LILRB2: variants seen among roughly 807,000 people sequenced by gnomAD.
LILRB2 encodes the protein leukocyte immunoglobulin like receptor B2, also known as leukocyte immunoglobulin-like receptor subfamily B member 2.
In LILRB2, 47 loss-of-function variants were observed where a neutral mutation model predicts 72.7. That is an observed-to-expected ratio of 0.65 (90% confidence interval 0.51 to 0.82). The LOEUF is 0.82. Ranked by LOEUF, LILRB2 falls within the 40% of genes least tolerant of loss-of-function variation. LILRB2 has a pLI of 0.00. For synonymous variants in LILRB2, 279 were observed against 313.7 expected, an observed-to-expected ratio of 0.89 and a Z score of 1.17; for missense variants, 767 against 764.8, an observed-to-expected ratio of 1.00 and a Z score of -0.03.
At chr19:54,280,169 G>A in intron 3 of LILRB2, 94 bp from the exon 4 acceptor site, 1 of 1,611,520 alleles carries the variant, frequency 6.2e-7, no homozygotes, top group Non-Finnish European at 8.5e-7. Flanking sequence ...CCATCAGTCA[G>A]TCCAGAACTT....
chr19:54,278,367 C>A lies in LILRB2; in HGVS notation c.1151G>T (p.Ser384Ile), dbSNP rs1363001822. 2.5e-6 allele frequency: 4 copies of A among 1,614,188 alleles called. No homozygotes were observed. In the East Asian group the frequency reaches 8.9e-5, roughly 36 times the overall value. Reference sequence around the variant, plus strand: ...CCCCGCGTGGGCTGAGGTCACAGGACTCATGGGGAATTCAGCCTGGTACTT... The same window carrying A: ...CCCCGCGTGGGCTGAGGTCACAGGAATCATGGGGAATTCAGCCTGGTACTT... ...YPKYQAEFPM[S>I]PVTSAHAGTY... Residue 384 changes from serine (S) to isoleucine (I), a missense_variant, in exon 7 of 14, where the codon AGT becomes ATT. This residue lies in a region of LILRB2 where 599 missense variants were observed against 568.2 expected (regional missense o/e 1.05). Coordinates refer to ENST00000314446, the MANE Select transcript of LILRB2 (RefSeq NM_001080978.4).
At chr19:54,280,353 C>G in intron 2 of LILRB2, 54 bp from the exon 3 acceptor site, 1 of 1,614,140 alleles carries the variant, frequency 6.2e-7, no homozygotes. Context: ...AGCAGGTCCT[C>G]CCCTCCCTGG....
At chr19:54,278,223 C>T (rs536629727) in intron 7 of LILRB2, 37 bp downstream of exon 7, 2 of 1,612,060 alleles carry the variant, frequency 1.2e-6, no homozygotes, top group South Asian at 2.2e-5. Context: ...CTGAGCTGAG[C>T]CTTTGAGCTC....
At chr19:54,280,186 C>T (rs974087529) in intron 3 of LILRB2, 78 bp downstream of exon 3, 7 of 1,612,674 alleles carry the variant, frequency 4.3e-6, no homozygotes, top group African/African-American at 2.7e-5. Context: ...ACTTCTAATC[C>T]CCATCCCCAG....
In LILRB2 at chr19:54,280,050, C is replaced by A; in HGVS notation, c.96G>T (p.Trp32Cys). 2 of 1,614,048 alleles carry A rather than the reference C, an allele frequency of 1.2e-6. No individual in the cohort carries two copies. Among genetic ancestry groups the A allele is most frequent in the Non-Finnish European group, 1.7e-6 (2 of 1,179,956 alleles). ...QTGTIPKPTL[W>C]AEPDSVITQG... ...GGGTGATCACAGAGTCTGGCTCAGC[C>A]CACAGGGTGGGCTTGGGGATGGTCC... The change falls in exon 4 of 14, where the codon TGG (tryptophan) becomes TGT (cysteine). Residue 32 changes from tryptophan (W) to cysteine (C), a missense_variant. Coordinates refer to ENST00000314446, the MANE Select transcript of LILRB2 (RefSeq NM_001080978.4).
chr19:54,276,479 T>G (rs1290171945), intron 10 of LILRB2, 23 bp from the exon 11 acceptor site: 1 of 1,521,264 alleles, frequency 6.6e-7, no homozygotes, highest in African/African-American at 1.4e-5. Flanking sequence ...GGACAGAGCC[T>G]CAGCCCTGGG....
In LILRB2 at chr19:54,274,613, G is replaced by A. The variant is rs2080128659; in HGVS notation, c.*70C>T. 6.2e-7 allele frequency: 1 copy of A among 1,610,072 alleles called. No homozygotes were observed. Among genetic ancestry groups the A allele is most frequent in the Non-Finnish European group, 8.5e-7 (1 of 1,177,352 alleles). ...ACTGGGGTTCATTGGTGTCCACTGG[G>A]GGCAGCTCCCGTGCCTTCAGCAGTC... is the stretch of plus-strand genomic sequence containing the variant. On this transcript the variant is annotated 3_prime_UTR_variant, in exon 14 of 14. Coordinates refer to ENST00000314446, the MANE Select transcript of LILRB2 (RefSeq NM_001080978.4).
At chr19:54,280,902 C>T in intron 1 of LILRB2, 59 bp downstream of exon 1, 2 of 1,126,288 alleles carry the variant, frequency 1.8e-6, no homozygotes, top group Admixed American at 2.0e-5. Context: ...CACAGCTTCC[C>T]ACATGGTCAC....
chr19:54,275,946 C>G lies in LILRB2; in HGVS notation c.1647+5G>C. On this transcript the variant is annotated splice_donor_5th_base_variant and intron_variant, in intron 13 of 13. Transcript: ENST00000314446. ...TTGGTGCCTGGGACAGGGGCGGGGT[C>G]TCACCCGAGTGTCCATCTCCACCCC... 1 of 1,614,058 alleles carries G rather than the reference C, an allele frequency of 6.2e-7. No individual in the cohort carries two copies.
At position 54,280,073 on chromosome 19, in the gene LILRB2, T is replaced by G. The variant is rs745485811; in HGVS notation, c.73A>C (p.Thr25Pro). Residue 25 changes from threonine to proline, a missense_variant and splice_region_variant, in exon 4 of 14, where the codon ACC becomes CCC. Thr to Pro is a conservative substitution (Grantham distance 38). Coordinates refer to ENST00000314446, the MANE Select transcript of LILRB2 (RefSeq NM_001080978.4). ...GCCCACAGGGTGGGCTTGGGGATGG[T>G]CCCTGGAAGGAAATCAAAGGTCAGA... ...LGPRTRVQTG[T>P]IPKPTLWAEP... is the part of the protein sequence containing the mutation. 6.2e-7 allele frequency: 1 copy of G among 1,613,552 alleles called. No homozygotes were observed. Among genetic ancestry groups the G allele is most frequent in the Non-Finnish European group, 8.5e-7 (1 of 1,179,748 alleles).
intron 7 of LILRB2, 152 bp downstream of exon 7, chr19:54,278,108 G>A: frequency 8.3e-7 from 1 of 1,201,112 alleles, no homozygotes; most frequent in Non-Finnish European, 1.2e-6. Flanking sequence ...GCCTGGGAGG[G>A]CCTGTTGTCC....
At position 54,274,694 on chromosome 19, in the gene LILRB2, C is replaced by A; in HGVS notation, c.1783G>T (p.Ala595Ser). The A allele has an allele frequency of 5.0e-6, 8 of 1,613,874 alleles. No individual in the cohort carries two copies. The highest frequency in any genetic ancestry group is 6.8e-6 in the Non-Finnish European group (8 of 1,180,020). The stretch of plus-strand genomic sequence containing the variant: ...GCGTACCCTCCGGGCTAGTGGATGG[C>A]CAGGGTGGCGTAGATGCTGGGCTCA... ...PAEPSIYATL[A>S]IH Residue 595 changes from alanine (A) to serine (S), a missense_variant, in exon 14 of 14, where the codon GCC becomes TCC. Physicochemically the swap from Ala to Ser is moderately conservative, Grantham distance 99. This residue lies in a region of LILRB2 where 162 missense variants were observed against 176.7 expected (regional missense o/e 0.92). Coordinates refer to ENST00000314446, the MANE Select transcript of LILRB2 (RefSeq NM_001080978.4).
Position 54,273,881 on chromosome 19 carries a change from CACACAT to C in LILRB2, c.*796_*801del, listed in dbSNP as rs1188744208. 8.5e-5 allele frequency: 13 copies of C among 152,070 alleles called. No individual in the cohort carries two copies. Among genetic ancestry groups the C allele is most frequent in the South Asian group, 4.1e-4 (2 of 4,830 alleles). The allele number at this position is 152,070 out of a possible 1,614,324, so 9.4% of individuals were successfully genotyped here. A position where few individuals can be genotyped will look rare whatever the true frequency, so the allele number is the denominator to read the frequency against. On this transcript the variant is annotated 3_prime_UTR_variant, in exon 14 of 14. Transcript: ENST00000314446. Reference sequence around the variant, plus strand: ...TCACACACACACACACACACACACACACACATATATATACACACACATACACACACA... The same window carrying C: ...TCACACACACACACACACACACACACATATATACACACACATACACACACA...
At chr19:54,276,118 A>T in intron 12 of LILRB2, 115 bp from the exon 13 acceptor site, 1 of 1,548,030 alleles carries the variant, frequency 6.5e-7, no homozygotes, top group Non-Finnish European at 8.8e-7. Context: ...GAGGGGCTGC[A>T]ATGTCCCTGA....
At position 54,279,462 on chromosome 19, in the gene LILRB2, A is replaced by T. The variant is rs772015457; in HGVS notation, c.541T>A (p.Phe181Ile). ...PHARGSSRAI[F>I]SVGPVSPNRR... The stretch of plus-strand genomic sequence containing the variant: ...TTCGGGCTCACGGGGCCCACGGAGA[A>T]GATGGCGCGGGACGACCCACGGGCA... Residue 181 changes from phenylalanine (F) to isoleucine (I), a missense_variant, in exon 5 of 14, where the codon TTC becomes ATC. Physicochemically the swap from Phe to Ile is conservative, Grantham distance 21. Transcript: ENST00000314446. 1 of 1,614,172 alleles carries T rather than the reference A, an allele frequency of 6.2e-7. No individual in the cohort carries two copies. Among genetic ancestry groups the T allele is most frequent in the South Asian group, 1.1e-5 (1 of 91,084 alleles).
At chr19:54,278,777 T>A in intron 6 of LILRB2, 35 bp downstream of exon 6, 1 of 1,591,904 alleles carries the variant, frequency 6.3e-7, no homozygotes, top group Non-Finnish European at 8.6e-7. Context: ...CTGTGCAGAG[T>A]CTGGGTCCCT....
intron 3 of LILRB2, 50 bp downstream of exon 3, chr19:54,280,214 C>A (rs118126757): frequency 6.2e-7 from 1 of 1,613,362 alleles, no homozygotes; most frequent in Admixed American, 1.7e-5. Context: ...GAGGTGGCCC[C>A]TTGTCCCCAG....
In LILRB2 at chr19:54,278,935, G is replaced by C; in HGVS notation, c.832C>G (p.Gln278Glu). The change falls in exon 6 of 14, where the codon CAG becomes GAG. Residue 278 changes from glutamine to glutamate, a missense_variant. Gln to Glu is a conservative substitution (Grantham distance 29). Around this residue, in one of 3 missense-constraint regions of LILRB2, gnomAD observed 599 missense variants for 568.2 expected, o/e 1.05. Coordinates refer to ENST00000314446, the MANE Select transcript of LILRB2 (RefSeq NM_001080978.4). ...PGRQPQAGLS[Q>E]ANFTLGPVSR... ...ACAGGGCCCAGGGTGAAGTTGGCCTGGGAGAGCCCAGCCTGGGGCTGCCGG... is the reference window on the plus strand; with the variant it reads ...ACAGGGCCCAGGGTGAAGTTGGCCTCGGAGAGCCCAGCCTGGGGCTGCCGG... 1 of 1,614,194 alleles carries C rather than the reference G, an allele frequency of 6.2e-7. No individual in the cohort carries two copies. The highest frequency in any genetic ancestry group is 2.2e-5 in the East Asian group (1 of 44,872).
chr19:54,274,521 C>T lies in LILRB2; in HGVS notation c.*162G>A, dbSNP rs905700107. 27 of 1,311,266 alleles carry T rather than the reference C, an allele frequency of 2.1e-5. No homozygotes were observed. The African/African-American group carries it at 3.4e-4, about 17-fold the overall frequency. The allele number at this position is 1,311,266 out of a possible 1,614,324, so 81.2% of individuals were successfully genotyped here. A position where few individuals can be genotyped will look rare whatever the true frequency, so the allele number is the denominator to read the frequency against. On this transcript the variant is annotated 3_prime_UTR_variant, in exon 14 of 14. Transcript: ENST00000314446. ...AATGTAGGGATATTAGTTATTTCGA[C>T]TGCAGAATCAAGTGAGTCCCAAAGT...
Sources: allele counts gnomAD v4.1 joint callset, GRCh38; gene constraint gnomAD v4.1.1; regional missense constraint gnomAD v4.1.1; transcripts MANE v1.5; gene names NCBI Gene and HGNC (gene_info 2026-07-23, HGNC 2026-07-21).